ARHGAP21: variants seen among roughly 807,000 people sequenced by gnomAD.
The protein encoded by ARHGAP21 is Rho GTPase activating protein 21, also known as rho GTPase-activating protein 21.
ARHGAP21 carries 38 observed loss-of-function variants against 164.6 expected under a neutral mutation model. That is an observed-to-expected ratio of 0.23 (90% CI 0.18 to 0.30). The LOEUF is 0.30. Ranked by LOEUF, ARHGAP21 falls within the 10% of genes least tolerant of loss-of-function variation. The pLI is 1.00. For synonymous variants in ARHGAP21, 766 were observed against 857.9 expected (o/e 0.89, Z 1.87); for missense variants, 1,822 against 2,370.7 (o/e 0.77, Z 4.81).
chr10:24,678,710 G>A (rs928667921), intron 2 of ARHGAP21, among the ~76,000 whole-genome samples: 1 of 151,988 alleles, frequency 6.6e-6, no homozygotes, highest in Non-Finnish European at 1.5e-5. Context: ...GTTTGTTTTT[G>A]TTTTTAGAGA....
intron 2 of ARHGAP21, among the ~76,000 whole-genome samples, chr10:24,695,444 CTG>C (rs1263871191): frequency 3.3e-5 from 5 of 151,918 alleles, no homozygotes; most frequent in African/African-American, 1.2e-4. Context: ...TGGCGGGTGC[CTG>C]TAATTCCAGC....
chr10:24,709,287 A>C (rs1466710415), intron 2 of ARHGAP21, among the ~76,000 whole-genome samples: 2 of 152,196 alleles, frequency 1.3e-5, no homozygotes, highest in Non-Finnish European at 2.9e-5. Flanking sequence ...CCCAACAAAG[A>C]AAGCTCAGGA....
At position 24,609,707 on chromosome 10, in the gene ARHGAP21, ACT is replaced by A. The variant is rs551434930; in HGVS notation, c.2423-1806_2423-1805del. Among the ~76,000 whole-genome samples, 135 of 152,236 alleles carry A rather than the reference ACT, an allele frequency of 8.9e-4. 1 individual carries two copies. The highest frequency in any genetic ancestry group is 3.5e-3 in the Admixed American group (54 of 15,282). ...CGTTAGGAATAATCCAAATTCAAAAACTCTACTTTTCACATACACTTTAATTA... is the reference window on the plus strand; with the variant it reads ...CGTTAGGAATAATCCAAATTCAAAAACTACTTTTCACATACACTTTAATTA... On this transcript the variant is annotated intron_variant, in intron 9 of 25. Transcript: ENST00000396432.
intron 7 of ARHGAP21, among the ~76,000 whole-genome samples, chr10:24,626,323 A>G (rs1835135758): frequency 6.6e-6 from 1 of 152,054 alleles, no homozygotes; most frequent in South Asian, 2.1e-4. Context: ...CCCCTCCCCT[A>G]ATTCGTATGT....
rs755356977 is a variant in ARHGAP21, at chr10:24,619,562, C to T, written c.2333G>A (p.Arg778His). 19 of 1,614,118 alleles carry T rather than the reference C, an allele frequency of 1.2e-5. No homozygotes were observed. In the South Asian group the frequency reaches 1.6e-4, roughly 14 times the overall value. ...DTTCWLPNDA[R>H]REVHIKRMEE... ...CATTCTTTTTATGTGGACCTCTCGA[C>T]GTGCATCATTGGGCAGCCAGCAGGT... Residue 778 changes from arginine (R) to histidine (H), a missense_variant, in exon 9 of 26, where the codon CGT becomes CAT. Around this residue, in one of 5 missense-constraint regions of ARHGAP21, gnomAD observed 1,090 missense variants for 1,378.9 expected, o/e 0.79. Transcript: ENST00000396432.
Position 24,628,940 on chromosome 10 carries a change from TAC to T in ARHGAP21, c.495+1054_495+1055del, listed in dbSNP as rs1204443405. 3.7e-4 allele frequency: 35 copies of T among 95,530 alleles called. 1 individual carries two copies. Among genetic ancestry groups the T allele is most frequent in the African/African-American group, 7.3e-4 (17 of 23,216 alleles). 5.9% of individuals were successfully genotyped at this position (95,530 alleles called of 1,614,324 possible). A position where few individuals can be genotyped will look rare whatever the true frequency, so the allele number is the denominator to read the frequency against. On this transcript the variant is annotated intron_variant, in intron 7 of 25. Coordinates refer to ENST00000396432, the MANE Select transcript of ARHGAP21 (RefSeq NM_020824.4). ...ACACATATATATACATACATATATA[TAC>T]ACACACACACTATATATATATATAT...
chr10:24,692,167 A>G (rs1381745363), intron 2 of ARHGAP21, among the ~76,000 whole-genome samples: 1 of 152,140 alleles, frequency 6.6e-6, no homozygotes, highest in African/African-American at 2.4e-5. Context: ...TGGTGTTGGG[A>G]GGGAAGGACA....
At chr10:24,699,621 G>C (rs540349197) in intron 2 of ARHGAP21, among the ~76,000 whole-genome samples, 1 of 152,030 alleles carries the variant, frequency 6.6e-6, no homozygotes, top group Non-Finnish European at 1.5e-5. Flanking sequence ...CACCGTGCCC[G>C]GCCTAGAATT....
intron 4 of ARHGAP21, among the ~76,000 whole-genome samples, chr10:24,654,692 G>A (rs1264183190): frequency 6.6e-6 from 1 of 152,154 alleles, no homozygotes; most frequent in Admixed American, 6.5e-5. Context: ...TGGCCATACT[G>A]CCCAAAGTAA....
At chr10:24,630,651 C>A (rs1835764593) in intron 6 of ARHGAP21, among the ~76,000 whole-genome samples, 1 of 152,092 alleles carries the variant, frequency 6.6e-6, no homozygotes, top group Admixed American at 6.5e-5. Flanking sequence ...TGCCACCATA[C>A]CCAGCTAATT....
chr10:24,606,755 C>T (rs777518374), intron 11 of ARHGAP21, among the ~76,000 whole-genome samples: 2 of 152,158 alleles, frequency 1.3e-5, no homozygotes, highest in African/African-American at 2.4e-5. Flanking sequence ...GCAGGAGAAT[C>T]GCTTGAACCC....
intron 2 of ARHGAP21, among the ~76,000 whole-genome samples, chr10:24,714,995 ACT>A (rs1204661806): frequency 6.6e-6 from 1 of 151,046 alleles, no homozygotes; most frequent in Non-Finnish European, 1.5e-5. Context: ...ACGCCACTGC[ACT>A]CCAGCCTGGG....
intron 17 of ARHGAP21, 95 bp downstream of exon 17, chr10:24,596,645 A>G (rs747696248): frequency 6.6e-7 from 1 of 1,516,970 alleles, no homozygotes; most frequent in Middle Eastern, 2.1e-4. Context: ...ACAGATTGAC[A>G]GTCTCTGTTG....
At chr10:24,591,162 T>C in intron 24 of ARHGAP21, 63 bp downstream of exon 24, 2 of 1,319,886 alleles carry the variant, frequency 1.5e-6, no homozygotes, top group Non-Finnish European at 1.1e-6. Flanking sequence ...ATTGATTTGC[T>C]CTTTCATATT....
At chr10:24,671,197 T>C (rs182081411) in intron 2 of ARHGAP21, among the ~76,000 whole-genome samples, 24 of 152,222 alleles carry the variant, frequency 1.6e-4, no homozygotes, top group African/African-American at 5.1e-4. Flanking sequence ...TGACAAAACC[T>C]AACCCTGGAT....
chr10:24,653,445 G>A (rs759758366), intron 4 of ARHGAP21, among the ~76,000 whole-genome samples: 1 of 152,070 alleles, frequency 6.6e-6, no homozygotes, highest in Non-Finnish European at 1.5e-5. Flanking sequence ...GCGTGGTGGC[G>A]GGCGCCTATA....
chr10:24,656,390 G>T (rs1400252063), intron 4 of ARHGAP21, among the ~76,000 whole-genome samples: 1 of 97,670 alleles, frequency 1.0e-5, no homozygotes, highest in Non-Finnish European at 2.1e-5. Context: ...GGAGGGAGGT[G>T]GGGGGGTCAG....
intron 1 of ARHGAP21, 93 bp downstream of exon 1, chr10:24,723,469 G>T (rs1310860648): frequency 1.4e-5 from 2 of 147,168 alleles, no homozygotes; most frequent in Non-Finnish European, 3.0e-5. Context: ...GGCCTGTGGC[G>T]GGAAGGGAGA....
In ARHGAP21 at chr10:24,683,500, T is replaced by G. The variant is rs927209544; in HGVS notation, c.64-13103A>C. ...TTTATTTTCAAAGGTAAGTTTTTTGTTTTTTTTTTGAGACAGAGTCTCGCT... is the reference window on the plus strand; with the variant it reads ...TTTATTTTCAAAGGTAAGTTTTTTGGTTTTTTTTTGAGACAGAGTCTCGCT... On this transcript the variant is annotated intron_variant, in intron 2 of 25. Transcript: ENST00000396432. 4.0e-5 allele frequency among the ~76,000 whole-genome samples: 6 copies of G among 148,356 alleles called. No individual in the cohort carries two copies. The East Asian group carries it at 5.9e-4, about 15-fold the overall frequency.
Sources: allele counts gnomAD v4.1 joint callset (sites outside exome capture counted in the v4.1 genomes callset), GRCh38; gene constraint gnomAD v4.1.1; regional missense constraint gnomAD v4.1.1; transcripts MANE v1.5; gene names NCBI Gene and HGNC (gene_info 2026-07-23, HGNC 2026-07-21).